The following CHRNG variants were observed in gnomAD, a reference collection of about 807,000 sequenced individuals.
CHRNG encodes cholinergic receptor nicotinic gamma subunit, also known as acetylcholine receptor subunit gamma.
Under a neutral mutation model 65.2 loss-of-function variants are expected in CHRNG, and 72 were observed. That is an observed-to-expected ratio of 1.10 (90% CI 0.91 to 1.34). The LOEUF (loss-of-function observed/expected upper bound fraction) is 1.34. Among genes scored for constraint, CHRNG ranks in the 40% most tolerant of loss-of-function variants. The pLI is 0.00. For missense variants in CHRNG, 637 were observed against 680.1 expected, an observed-to-expected ratio of 0.94 and a Z score of 0.70; for synonymous variants, 284 against 290.2, an observed-to-expected ratio of 0.98 and a Z score of 0.22.
chr2:232,544,409 C>T lies in CHRNG; in HGVS notation c.1078C>T (p.Arg360Cys), dbSNP rs200263643. The change falls in exon 10 of 12, where the codon CGC becomes TGC. Residue 360 changes from arginine to cysteine, a missense_variant. Coordinates refer to ENST00000651502, the MANE Select transcript of CHRNG (RefSeq NM_005199.5). Reference protein sequence around the residue: ...LLPQLLRMHVRPLAPAAVQDT... With the variant: ...LLPQLLRMHVCPLAPAAVQDT... ...GCCCCAGCTGCTGAGGATGCACGTT[C>T]GCCCGCTGGCCCCGGCAGCTGTGCA... 9.3e-6 allele frequency: 15 copies of T among 1,613,446 alleles called. No homozygotes were observed. The East Asian group carries it at 1.1e-4, about 12-fold the overall frequency.
Position 232,543,339 on chromosome 2 carries a change from T to C in CHRNG, c.870T>C (p.Leu290=). The change falls in exon 8 of 12, where the codon CTT becomes CTC. Residue 290 remains leucine, a synonymous_variant. Coordinates refer to ENST00000651502, the MANE Select transcript of CHRNG (RefSeq NM_005199.5). The stretch of plus-strand genomic sequence containing the variant: ...TGGCCCAGACTGTCTTCCTCTTCCT[T>C]GTGGCCAAGAAGGTGCCTGAAACCT... ...VLLAQTVFLF[L]VAKKVPETSQ... is the part of the protein sequence containing the mutation. 1 of 1,614,128 alleles carries C rather than the reference T, an allele frequency of 6.2e-7. No individual in the cohort carries two copies. The highest frequency in any genetic ancestry group is 1.1e-5 in the South Asian group (1 of 91,086).
At chr2:232,545,089 G>A (rs1692099650) in intron 11 of CHRNG, among the ~76,000 whole-genome samples, 187 bp downstream of exon 11, 1 of 152,102 alleles carries the variant, frequency 6.6e-6, no homozygotes. Flanking sequence ...CTGAGGTCAG[G>A]AGTTTGAGAC....
Position 232,541,860 on chromosome 2 carries a change from C to T in CHRNG, c.506+331C>T. The T allele has an allele frequency of 2.4e-6, 1 of 420,116 alleles. No individual in the cohort carries two copies. The allele number at this position is 420,116 out of a possible 1,614,324, so 26.0% of individuals were successfully genotyped here. ...TCTGCGCACACACGAAACCACTGCA[C>T]ACTCCAGGCCCACAGGGAGGCAGGG... On this transcript the variant is annotated intron_variant, in intron 5 of 11. Transcript: ENST00000651502. The surrounding 1 kb of genome is among the most constrained non-coding windows in gnomAD (Gnocchi z 4.0).
chr2:232,541,609 G>A lies in CHRNG; in HGVS notation c.506+80G>A. On this transcript the variant is annotated intron_variant, in intron 5 of 11. Transcript: ENST00000651502. The surrounding 1 kb of genome is among the most constrained non-coding windows in gnomAD (Gnocchi z 4.0). The stretch of plus-strand genomic sequence containing the variant: ...AGTGGTGGGGTAAGGCCTGGGCAAG[G>A]CTTCTGGCCTTGGCTCTGGCAGCAC... 1 of 1,553,540 alleles carries A rather than the reference G, an allele frequency of 6.4e-7. No homozygotes were observed. Among genetic ancestry groups the A allele is most frequent in the South Asian group, 1.1e-5 (1 of 90,206 alleles).
chr2:232,545,318 CAA>C (rs1156427198), intron 11 of CHRNG, among the ~76,000 whole-genome samples: 6 of 64,700 alleles, frequency 9.3e-5, no homozygotes, highest in Admixed American at 2.0e-4. Flanking sequence ...GACTCCGTCT[CAA>C]AAAAAAAAAA....
chr2:232,540,360 A>C lies in CHRNG; in HGVS notation c.196-21A>C. On this transcript the variant is annotated intron_variant, in intron 2 of 11. Coordinates refer to ENST00000651502, the MANE Select transcript of CHRNG (RefSeq NM_005199.5). This position sits in a 1 kb window ranked among gnomAD's most constrained non-coding sequence, Gnocchi z 4.2. ...TGAAGTCGGGGGCTGAGCCCTCCATACTACACCCTTGCACCCCCAGAACGA... is the reference window on the plus strand; with the variant it reads ...TGAAGTCGGGGGCTGAGCCCTCCATCCTACACCCTTGCACCCCCAGAACGA... 1 of 1,613,878 alleles carries C rather than the reference A, an allele frequency of 6.2e-7. No homozygotes were observed. Among genetic ancestry groups the C allele is most frequent in the Non-Finnish European group, 8.5e-7 (1 of 1,179,896 alleles).
rs1475225432 is a variant in CHRNG at position 232,544,354 on chromosome 2, A to AC, written c.1036-8dup. 6.2e-7 allele frequency: 1 copy of AC among 1,605,396 alleles called. No homozygotes were observed. The highest frequency in any genetic ancestry group is 8.5e-7 in the Non-Finnish European group (1 of 1,173,350). Reference sequence around the variant, plus strand: ...CTCGGCCTGCTGCCCTAGTGAAGCCACCCCCTCTCTAGGTGTTCCTGAGGC... The same window carrying AC: ...CTCGGCCTGCTGCCCTAGTGAAGCCACCCCCCTCTCTAGGTGTTCCTGAGGC... On this transcript the variant is annotated splice_polypyrimidine_tract_variant and intron_variant, in intron 9 of 11. Transcript: ENST00000651502.
Position 232,541,481 on chromosome 2 carries a change from C to CA in CHRNG, c.459dup (p.Val154SerfsTer24), listed in dbSNP as rs774279192. On this transcript the variant is annotated frameshift_variant, in exon 5 of 12. Transcript: ENST00000651502. LOFTEE classifies it high-confidence loss of function. The surrounding 1 kb of genome is among the most constrained non-coding windows in gnomAD (Gnocchi z 4.0). ...ATCTTCCGTTCCGCCTGCTCTATCT[C>CA]AGTCACCTACTTCCCCTTCGACTGG... 1,165 of 1,614,040 alleles carry CA rather than the reference C, an allele frequency of 7.2e-4. No homozygotes were observed. The highest frequency in any genetic ancestry group is 9.1e-4 in the Non-Finnish European group (1,074 of 1,180,004).
Position 232,543,029 on chromosome 2 carries a change from CCT to C in CHRNG, c.753_754del (p.Val253AlafsTer44), listed in dbSNP as rs767503038. 350 of 1,614,252 alleles carry C rather than the reference CCT, an allele frequency of 2.2e-4. No homozygotes were observed. Among genetic ancestry groups the C allele is most frequent in the African/African-American group, 3.2e-4 (24 of 75,064 alleles). ...TTCTACGTCATCAACATCATCGCCC[CCT>C]GTGTGCTCATCTCCTCTGTCGCCAT... On this transcript the variant is annotated frameshift_variant, in exon 7 of 12. Transcript: ENST00000651502. LOFTEE classifies it high-confidence loss of function.
rs1374346236 is a variant in CHRNG, at chr2:232,547,907, G to C, written c.*2191G>C. The stretch of plus-strand genomic sequence containing the variant: ...ACAGCAACCTAAGGAGGTAGGTCGA[G>C]GCATACCTCAAAGACATTGCAGGTT... On this transcript the variant is annotated 3_prime_UTR_variant, in exon 12 of 12. Coordinates refer to ENST00000651502, the MANE Select transcript of CHRNG (RefSeq NM_005199.5). 3 of 425,052 alleles carry C rather than the reference G, an allele frequency of 7.1e-6. No individual in the cohort carries two copies. The highest frequency in any genetic ancestry group is 1.2e-5 in the Non-Finnish European group (3 of 243,308). 26.3% of individuals were successfully genotyped at this position (425,052 alleles called of 1,614,324 possible).
rs1463431695 is a variant in CHRNG at position 232,542,427 on chromosome 2, C to T, written c.511C>T (p.Gln171Ter). ...TCTTTCCTCGGTGACTCCCAGGTCCCAGACTTACAGCACCAATGAGATTGA... is the reference window on the plus strand; with the variant it reads ...TCTTTCCTCGGTGACTCCCAGGTCCTAGACTTACAGCACCAATGAGATTGA... ...WQNCSLIFQS[Q>*]TYSTNEIDLQ... is the part of the protein sequence containing the mutation. The change falls in exon 6 of 12, where the codon CAG (glutamine) becomes TAG (stop). Residue 171 changes from glutamine to a stop codon, truncating the protein, a stop_gained. Transcript: ENST00000651502. LOFTEE classifies it high-confidence loss of function. The T allele has an allele frequency of 6.2e-7, 1 of 1,612,810 alleles. No homozygotes were observed.
In CHRNG at chr2:232,545,895, G is replaced by A. The variant is rs1692124016; in HGVS notation, c.*179G>A. 2.7e-6 allele frequency: 2 copies of A among 748,858 alleles called. No homozygotes were observed. Among genetic ancestry groups the A allele is most frequent in the African/African-American group, 1.7e-5 (1 of 58,230 alleles). The allele number at this position is 748,858 out of a possible 1,614,324, so 46.4% of individuals were successfully genotyped here. ...ACAGTCTGAGCTGGAGTCCGAGAGT[G>A]GTTGGGGGTGGGCCGTGGCTAGTGT... On this transcript the variant is annotated 3_prime_UTR_variant, in exon 12 of 12. Transcript: ENST00000651502.
At chr2:232,544,231 A>C in intron 9 of CHRNG, 136 bp from the exon 10 acceptor site, 1 of 766,490 alleles carries the variant, frequency 1.3e-6, no homozygotes, top group African/African-American at 1.7e-5. Context: ...TCCAGTATAG[A>C]AAGCTTTACC....
chr2:232,545,674 A>G lies in CHRNG; in HGVS notation c.1512A>G (p.Pro504=). Residue 504 remains proline (P), a synonymous_variant, in exon 12 of 12, where the codon CCA becomes CCG. Coordinates refer to ENST00000651502, the MANE Select transcript of CHRNG (RefSeq NM_005199.5). Reference sequence around the variant, plus strand: ...ACTACAACCGGGTGCCGGCCCTGCCATTCCCTGGAGATCCACGCCCCTACC... The same window carrying G: ...ACTACAACCGGGTGCCGGCCCTGCCGTTCCCTGGAGATCCACGCCCCTACC... The part of the protein sequence containing the change: ...MAHYNRVPAL[P]FPGDPRPYLP... 1 of 1,614,152 alleles carries G rather than the reference A, an allele frequency of 6.2e-7. No individual in the cohort carries two copies.
chr2:232,542,889 G>A lies in CHRNG; in HGVS notation c.612G>A (p.Gly204=), dbSNP rs1435533375. The change falls in exon 7 of 12, where the codon GGG becomes GGA. Residue 204 remains glycine, a synonymous_variant. Coordinates refer to ENST00000651502, the MANE Select transcript of CHRNG (RefSeq NM_005199.5). ...FIDPEAFTEN[G]EWAIQHRPAK... ...CTGCCTGCCTGCCCGCAGAGAATGG[G>A]GAGTGGGCCATCCAGCACCGACCAG... 1.2e-6 allele frequency: 2 copies of A among 1,613,370 alleles called. No homozygotes were observed. The highest frequency in any genetic ancestry group is 1.7e-6 in the Non-Finnish European group (2 of 1,179,932).
rs1553578011 is a variant in CHRNG, at chr2:232,543,481, C to CCA, written c.920+93_920+94insAC. ...GCATTGCCCTCTTGCCCTCCATCCACCCCCCCCATCCTCAATTCAGGAGGC... is the reference window on the plus strand; with the variant it reads ...GCATTGCCCTCTTGCCCTCCATCCACCACCCCCCCATCCTCAATTCAGGAGGC... On this transcript the variant is annotated intron_variant, in intron 8 of 11. Transcript: ENST00000651502. 34 of 984,868 alleles carry CCA rather than the reference C, an allele frequency of 3.5e-5. No individual in the cohort carries two copies. The African/African-American group carries it at 7.9e-4, about 23-fold the overall frequency. The allele number at this position is 984,868 out of a possible 1,614,324, so 61.0% of individuals were successfully genotyped here. A position where few individuals can be genotyped will look rare whatever the true frequency, so the allele number is the denominator to read the frequency against.
In CHRNG at chr2:232,543,673, C is replaced by T. The variant is rs1250498611; in HGVS notation, c.1009C>T (p.His337Tyr). 7 of 1,612,776 alleles carry T rather than the reference C, an allele frequency of 4.3e-6. No homozygotes were observed. The highest frequency in any genetic ancestry group is 4.5e-5 in the East Asian group (2 of 44,870). ...TGTCTCCTTGCGGTCTCCACACACA[C>T]ACTCCATGGCCCGAGGGGTCCGCAA... ...LNVSLRSPHT[H>Y]SMARGVRKVF... The change falls in exon 9 of 12, where the codon CAC becomes TAC. Residue 337 changes from histidine (H) to tyrosine (Y), a missense_variant. His to Tyr is a moderately conservative substitution (Grantham distance 83). Transcript: ENST00000651502.
chr2:232,542,843 G>A (rs1208456917), intron 6 of CHRNG, 39 bp from the exon 7 acceptor site: 46 of 1,574,990 alleles, frequency 2.9e-5, no homozygotes, highest in Admixed American at 1.0e-4. Context: ...CCTAGCTCAC[G>A]CTTCTTGTGC....
At chr2:232,544,749 A>T in intron 10 of CHRNG, 23 bp from the exon 11 acceptor site, 1 of 1,613,282 alleles carries the variant, frequency 6.2e-7, no homozygotes. Flanking sequence ...CTACTCCCAA[A>T]CCTTACCCTT....
Sources: gnomAD v4.1 joint callset for allele counts (sites outside exome capture counted in the v4.1 genomes callset) on GRCh38, gnomAD v4.1.1 for gene constraint, Gnocchi (gnomAD v3.1) non-coding constraint, MANE v1.5 for transcripts, NCBI Gene and HGNC (gene_info 2026-07-23, HGNC 2026-07-21) for gene names.